The following MFN2 variants were observed in gnomAD, a reference collection of about 807,000 sequenced individuals.
MFN2 encodes the protein mitofusin-2.
Under a neutral mutation model 87.5 loss-of-function variants are expected in MFN2, and 43 were observed. The observed-to-expected ratio is 0.49, with a 90% CI of 0.38 to 0.63. MFN2 has a LOEUF of 0.63. Among genes scored for constraint, MFN2 ranks in the 30% least tolerant of loss-of-function variants. The pLI is 0.00. For synonymous variants in MFN2, 337 were observed against 359.9 expected (o/e 0.94, Z 0.72); for missense variants, 743 against 972.8 (o/e 0.76, Z 3.14).
At chr1:11,998,704 G>A (rs1639038012) in intron 6 of MFN2, 66 bp from the exon 7 acceptor site, 2 of 1,465,654 alleles carry the variant, frequency 1.4e-6, no homozygotes, top group East Asian at 2.3e-5. Context: ...TCCCAGGTCT[G>A]TTCTCAGCAG....
chr1:11,986,085 A>G (rs1638392355), intron 2 of MFN2, among the ~76,000 whole-genome samples: 1 of 152,162 alleles, frequency 6.6e-6, no homozygotes, highest in South Asian at 2.1e-4. Context: ...AACATTGCAC[A>G]AGAACTTGTT....
chr1:11,991,923 C>CAA (rs35314016), intron 3 of MFN2, among the ~76,000 whole-genome samples: 577 of 16,716 alleles, frequency 0.035, 157 homozygotes, highest in African/African-American at 0.098. Context: ...GACTCCGTCT[C>CAA]AAAAAAAAAA....
At chr1:12,006,897 C>T (rs1639447009) in intron 16 of MFN2, among the ~76,000 whole-genome samples, 156 bp from the exon 17 acceptor site, 1 of 152,202 alleles carries the variant, frequency 6.6e-6, no homozygotes, top group Admixed American at 6.5e-5. Context: ...ACCTTCTGGC[C>T]TCGGTGGGAT....
intron 5 of MFN2, 73 bp downstream of exon 5, chr1:11,996,391 C>T (rs1638909340): frequency 1.9e-6 from 3 of 1,582,196 alleles, no homozygotes; most frequent in East Asian, 2.2e-5. Flanking sequence ...CACGGCTGAC[C>T]TCACCTCTAG....
chr1:12,004,830 G>A lies in MFN2; in HGVS notation c.1398G>A (p.Leu466=). The A allele has an allele frequency of 6.2e-7, 1 of 1,613,592 alleles. No homozygotes were observed. Among genetic ancestry groups the A allele is most frequent in the Non-Finnish European group, 8.5e-7 (1 of 1,179,658 alleles). The change falls in exon 14 of 19, where the codon CTG becomes CTA. Residue 466 remains leucine, a synonymous_variant. Coordinates refer to ENST00000235329, the MANE Select transcript of MFN2 (RefSeq NM_014874.4). This position sits in a 1 kb window ranked among gnomAD's most constrained non-coding sequence, Gnocchi z 4.2. Reference sequence around the variant, plus strand: ...CTTCCCTCTTCTGGTGGCAGGAGCTGCACCGCCACATAGAGGAAGGACTGG... The same window carrying A: ...CTTCCCTCTTCTGGTGGCAGGAGCTACACCGCCACATAGAGGAAGGACTGG... The part of the protein sequence containing the change: ...PVVLKVYKNE[L]HRHIEEGLGR...
chr1:12,001,550 A>G lies in MFN2; in HGVS notation c.966A>G (p.Glu322=). 6.2e-7 allele frequency: 1 copy of G among 1,614,216 alleles called. No individual in the cohort carries two copies. Among genetic ancestry groups the G allele is most frequent in the Non-Finnish European group, 8.5e-7 (1 of 1,180,044 alleles). Residue 322 remains glutamate, a synonymous_variant, in exon 9 of 19, where the codon GAA becomes GAG. Transcript: ENST00000235329. Reference sequence around the variant, plus strand: ...TTCAGAAAGCCCAGGGCATGCCTGAAGGAGGTAATGATGAGAACAGATGTC... The same window carrying G: ...TTCAGAAAGCCCAGGGCATGCCTGAGGGAGGTAATGATGAGAACAGATGTC... ...ARIQKAQGMP[E]GGGALAEGFQ...
chr1:11,993,775 T>C (rs1638796340), intron 4 of MFN2, among the ~76,000 whole-genome samples: 1 of 152,156 alleles, frequency 6.6e-6, no homozygotes, highest in African/African-American at 2.4e-5. Flanking sequence ...AAATACGTGT[T>C]TTTTTTGTTT....
At position 11,997,230 on chromosome 1, in the gene MFN2, C is replaced by G. The variant is rs539310603; in HGVS notation, c.475-67C>G. 78 of 1,606,472 alleles carry G rather than the reference C, an allele frequency of 4.9e-5. No individual in the cohort carries two copies. The East Asian group carries it at 1.4e-3, about 29-fold the overall frequency. The stretch of plus-strand genomic sequence containing the variant: ...TCCCAGCCACTGTGCTGTGATGCAG[C>G]GGCACAGGAAATCTCCTGGCCTGGT... On this transcript the variant is annotated intron_variant, in intron 5 of 18. Transcript: ENST00000235329.
chr1:12,001,418 G>A lies in MFN2; in HGVS notation c.834G>A (p.Met278Ile), dbSNP rs1639167341. The A allele has an allele frequency of 1.2e-6, 2 of 1,613,792 alleles. No individual in the cohort carries two copies. The highest frequency in any genetic ancestry group is 1.7e-6 in the Non-Finnish European group (2 of 1,179,902). Residue 278 changes from methionine to isoleucine, a missense_variant, in exon 9 of 19, where the codon ATG becomes ATA. By Grantham distance (10) the Met-to-Ile change is conservative (BLOSUM62 1). Transcript: ENST00000235329. ...GGCTCCAGGTGCGGCGGCAGCACAT[G>A]GAGCGTTGTACCAGCTTCCTGGTGG... is the stretch of plus-strand genomic sequence containing the variant. ...EYMEEVRRQH[M>I]ERCTSFLVDE...
intron 2 of MFN2, among the ~76,000 whole-genome samples, chr1:11,988,596 G>T (rs1360036208): frequency 6.6e-6 from 1 of 151,994 alleles, no homozygotes; most frequent in Non-Finnish European, 1.5e-5. Flanking sequence ...GAGTGCAGTG[G>T]ACTGATCATA....
intron 6 of MFN2, 94 bp downstream of exon 6, chr1:11,997,515 T>G: frequency 6.5e-7 from 1 of 1,548,836 alleles, no homozygotes; most frequent in Non-Finnish European, 8.9e-7. Context: ...GGCCCCATCC[T>G]TGCTCTGCTT....
chr1:11,999,467 C>T (rs1569845554), intron 8 of MFN2, among the ~76,000 whole-genome samples: 1 of 152,262 alleles, frequency 6.6e-6, no homozygotes, highest in South Asian at 2.1e-4. Context: ...TTACTGGTGA[C>T]TTACAACTCT....
chr1:11,998,152 G>A (rs1331053646), intron 6 of MFN2, among the ~76,000 whole-genome samples: 4 of 151,514 alleles, frequency 2.6e-5, no homozygotes, highest in East Asian at 2.0e-4. Context: ...AAAGTGCTGG[G>A]ATTACGGGCA....
rs114350897 is a variant in MFN2 at position 11,993,005 on chromosome 1, A to G, written c.311+315A>G. On this transcript the variant is annotated intron_variant, in intron 4 of 18. Transcript: ENST00000235329. ...ATTTTCTAATTAAGGTTAAAGGCAT[A>G]TAATATAAAATTTACCACCTTAACC... Among the ~76,000 whole-genome samples the G allele has an allele frequency of 6.2e-3, 937 of 150,308 alleles. 9 individuals carry two copies. Among genetic ancestry groups the G allele is most frequent in the African/African-American group, 0.022 (887 of 40,980 alleles).
chr1:11,983,176 T>C (rs1321826845), intron 2 of MFN2, among the ~76,000 whole-genome samples: 2 of 152,104 alleles, frequency 1.3e-5, no homozygotes, highest in Non-Finnish European at 2.9e-5. Context: ...AGGTTCACAC[T>C]ATCCTCCTGC....
chr1:11,989,234 T>A lies in MFN2; in HGVS notation c.66T>A (p.Ala22=). ...TCAAGAAAAATAAGAGACACATGGC[T>A]GAGGTGAATGCATCCCCACTTAAGC... The part of the protein sequence containing the change: ...VTVKKNKRHM[A]EVNASPLKHF... Residue 22 remains alanine (A), a synonymous_variant, in exon 3 of 19, where the codon GCT becomes GCA. Coordinates refer to ENST00000235329, the MANE Select transcript of MFN2 (RefSeq NM_014874.4). The A allele has an allele frequency of 1.2e-6, 2 of 1,614,096 alleles. No individual in the cohort carries two copies. The highest frequency in any genetic ancestry group is 8.5e-7 in the Non-Finnish European group (1 of 1,180,010).
chr1:11,980,490 AG>A lies in MFN2; in HGVS notation c.-150+9del. 2.5e-6 allele frequency: 1 copy of A among 398,252 alleles called. No individual in the cohort carries two copies. Among genetic ancestry groups the A allele is most frequent in the Non-Finnish European group, 4.4e-6 (1 of 225,824 alleles). The allele number at this position is 398,252 out of a possible 1,614,324, so 24.7% of individuals were successfully genotyped here. A position where few individuals can be genotyped will look rare whatever the true frequency, so the allele number is the denominator to read the frequency against. On this transcript the variant is annotated splice_region_variant and intron_variant, in intron 1 of 18. Coordinates refer to ENST00000235329, the MANE Select transcript of MFN2 (RefSeq NM_014874.4). ...GCGAGGCCGGGAAGGTGAAGGTGAG[AG>A]GGCGAGCAAGCCGGGGTGGCGGGGA...
At chr1:11,989,531 T>C (rs566540114) in intron 3 of MFN2, among the ~76,000 whole-genome samples, 188 bp downstream of exon 3, 1 of 152,296 alleles carries the variant, frequency 6.6e-6, no homozygotes, top group East Asian at 1.9e-4. Context: ...ACAAGGGAAC[T>C]GCCATTTAGT....
At chr1:11,997,621 C>T (rs1638969210) in intron 6 of MFN2, among the ~76,000 whole-genome samples, 200 bp downstream of exon 6, 1 of 152,118 alleles carries the variant, frequency 6.6e-6, no homozygotes, top group Admixed American at 6.6e-5. Context: ...CAGTACCCTG[C>T]AGATGTCCCA....
Sources: gnomAD v4.1 joint callset for allele counts (sites outside exome capture counted in the v4.1 genomes callset) on GRCh38, gnomAD v4.1.1 for gene constraint, Gnocchi (gnomAD v3.1) non-coding constraint, MANE v1.5 for transcripts, NCBI Gene and HGNC (gene_info 2026-07-23, HGNC 2026-07-21) for gene names.